The following ZNF644 variants were observed in gnomAD, a reference collection of about 807,000 sequenced individuals.
The protein encoded by ZNF644 is zinc finger protein 644, also known as zinc finger motif enhancer binding protein 2.
In ZNF644, 20 loss-of-function variants were observed where a neutral mutation model predicts 108.0. That is an observed-to-expected ratio of 0.19 (90% CI 0.13 to 0.27). The LOEUF (loss-of-function observed/expected upper bound fraction) is 0.27, where lower values mean the gene tolerates loss of function less well. ZNF644 is among the 10% of genes least tolerant of loss of function. The pLI, the probability that ZNF644 is intolerant of heterozygous loss-of-function variation, is 1.00. For synonymous variants in ZNF644, 542 were observed against 539.1 expected (o/e 1.01, Z -0.08); for missense variants, 1,338 against 1,548.9 (o/e 0.86, Z 2.29).
intron 2 of ZNF644, among the ~76,000 whole-genome samples, chr1:90,956,224 A>G (rs1557596239): frequency 6.6e-6 from 1 of 152,210 alleles, no homozygotes. Context: ...ACCACAGATC[A>G]CCATAACAAA....
chr1:90,952,814 G>A (rs1257877225), intron 2 of ZNF644, among the ~76,000 whole-genome samples: 2 of 151,896 alleles, frequency 1.3e-5, no homozygotes, highest in African/African-American at 4.8e-5. Flanking sequence ...TGAGATAATC[G>A]CTGAGAATTT....
At chr1:90,917,288 T>C (rs1490019233) in intron 5 of ZNF644, among the ~76,000 whole-genome samples, 3 of 152,190 alleles carry the variant, frequency 2.0e-5, no homozygotes, top group Non-Finnish European at 4.4e-5. Context: ...ATGTCATTCT[T>C]TAGAAAAGAC....
At chr1:91,003,697 T>C (rs1297371301) in intron 1 of ZNF644, among the ~76,000 whole-genome samples, 1 of 149,944 alleles carries the variant, frequency 6.7e-6, no homozygotes, top group Non-Finnish European at 1.5e-5. Context: ...CAAAAAAAAA[T>C]ACAAAGAAAA....
intron 4 of ZNF644, among the ~76,000 whole-genome samples, chr1:90,935,815 G>A (rs917647051): frequency 4.6e-5 from 7 of 152,126 alleles, no homozygotes; most frequent in Non-Finnish European, 1.0e-4. Flanking sequence ...TCTGTGTTAC[G>A]CAGATTATTT....
chr1:90,955,532 A>G (rs74228356), intron 2 of ZNF644, among the ~76,000 whole-genome samples: 18,261 of 152,270 alleles, frequency 0.12, 1,122 homozygotes, highest in East Asian at 0.15. Context: ...TGCAGCTTCT[A>G]CATCAGCACT....
At chr1:90,937,426 G>T (rs1187112093) in intron 4 of ZNF644, 59 bp downstream of exon 4, 4 of 1,606,528 alleles carry the variant, frequency 2.5e-6, no homozygotes, top group South Asian at 2.2e-5. Flanking sequence ...TTCCATTAAA[G>T]AAGGCATAAT....
At chr1:90,921,374 T>C (rs1235487263) in intron 4 of ZNF644, among the ~76,000 whole-genome samples, 3 of 152,110 alleles carry the variant, frequency 2.0e-5, no homozygotes, top group Admixed American at 6.6e-5. Context: ...TTTTTTGTAA[T>C]AGGATTTTAT....
chr1:90,946,407 C>A (rs974162073), intron 2 of ZNF644, among the ~76,000 whole-genome samples: 2 of 152,042 alleles, frequency 1.3e-5, no homozygotes, highest in Non-Finnish European at 2.9e-5. Context: ...AAGAACATTA[C>A]AGACAGGAAT....
chr1:90,965,541 C>T (rs1654773710), intron 2 of ZNF644, among the ~76,000 whole-genome samples: 1 of 152,062 alleles, frequency 6.6e-6, no homozygotes, highest in African/African-American at 2.4e-5. Flanking sequence ...TATAATTCAA[C>T]CCTTAACACT....
intron 4 of ZNF644, among the ~76,000 whole-genome samples, chr1:90,931,417 GAAT>G (rs1650715730): frequency 6.8e-6 from 1 of 147,256 alleles, no homozygotes; most frequent in African/African-American, 2.5e-5. Context: ...TAAATAACTA[GAAT>G]AAACTCTTGA....
At chr1:90,958,767 T>C (rs1163634113) in intron 2 of ZNF644, among the ~76,000 whole-genome samples, 1 of 152,152 alleles carries the variant, frequency 6.6e-6, no homozygotes, top group African/African-American at 2.4e-5. Flanking sequence ...GATAACCACG[T>C]GCAAAAGAAT....
chr1:90,988,249 T>C (rs1161851962), intron 1 of ZNF644, among the ~76,000 whole-genome samples: 1 of 152,186 alleles, frequency 6.6e-6, no homozygotes, highest in East Asian at 1.9e-4. Flanking sequence ...ACATCAATTG[T>C]ATTTCAATGA....
chr1:90,980,081 G>GAGAAA (rs151030435), intron 2 of ZNF644, among the ~76,000 whole-genome samples: 20,129 of 152,070 alleles, frequency 0.13, 1,365 homozygotes, highest in South Asian at 0.16. Context: ...ATTTGCCTGG[G>GAGAAA]AGAACTCTTT....
chr1:90,946,586 T>A (rs1028245266), intron 2 of ZNF644, among the ~76,000 whole-genome samples: 3 of 152,124 alleles, frequency 2.0e-5, no homozygotes, highest in African/African-American at 7.2e-5. Context: ...AAATTCACAA[T>A]TACCTGAAAT....
rs560555231 is a variant in ZNF644 at position 90,941,144 on chromosome 1, A to G, written c.210T>C (p.Asn70=). 6.8e-5 allele frequency: 110 copies of G among 1,613,518 alleles called. 2 individuals carry two copies. In the South Asian group the frequency reaches 1.2e-3, roughly 18 times the overall value. ...ACAGTTCTTCAGGCAGAGTCAACGT[A>G]TTATTTTTCTGAAATGATGTTTGAC... ...KDCQTSFQKN[N]TLTLPEELSK... is the part of the protein sequence containing the mutation. Residue 70 remains asparagine, a synonymous_variant, in exon 3 of 6, where the codon AAT becomes AAC. Transcript: ENST00000337393.
chr1:90,985,996 T>G (rs1657054849), intron 1 of ZNF644, among the ~76,000 whole-genome samples: 3 of 152,094 alleles, frequency 2.0e-5, no homozygotes, highest in Non-Finnish European at 4.4e-5. Flanking sequence ...GCAAATAAAT[T>G]TTTTTAAAAA....
chr1:90,999,003 A>G (rs1658473826), intron 1 of ZNF644, among the ~76,000 whole-genome samples: 1 of 152,216 alleles, frequency 6.6e-6, no homozygotes, highest in Non-Finnish European at 1.5e-5. Flanking sequence ...AAAAAGAGTA[A>G]AAAGAAGTGA....
At chr1:90,922,874 T>C (rs540513512) in intron 4 of ZNF644, among the ~76,000 whole-genome samples, 13 of 152,190 alleles carry the variant, frequency 8.5e-5, no homozygotes, top group African/African-American at 3.1e-4. Flanking sequence ...TAAATTCAAT[T>C]ATAACTGTTG....
At chr1:90,996,375 T>G (rs1375245577) in intron 1 of ZNF644, among the ~76,000 whole-genome samples, 2 of 152,216 alleles carry the variant, frequency 1.3e-5, no homozygotes, top group African/African-American at 4.8e-5. Flanking sequence ...AGCCAAAGGC[T>G]TGGAGCAATC....
Sources: allele counts gnomAD v4.1 joint callset (sites outside exome capture counted in the v4.1 genomes callset), GRCh38; gene constraint gnomAD v4.1.1; transcripts MANE v1.5; gene names NCBI Gene and HGNC (gene_info 2026-07-23, HGNC 2026-07-21).